GBE1: variants seen among roughly 807,000 people sequenced by gnomAD.
The protein encoded by GBE1 is 1,4-alpha-glucan branching enzyme 1.
In GBE1, 70 loss-of-function variants were observed where a neutral mutation model predicts 88.8. That is an observed-to-expected ratio of 0.79 (90% CI 0.65 to 0.96). The LOEUF is 0.96. Among genes scored for constraint, GBE1 ranks in the 40% least tolerant of loss-of-function variants. The pLI, the probability that GBE1 is intolerant of heterozygous loss-of-function variation, is 0.00. For missense variants in GBE1, 872 were observed against 871.0 expected (o/e 1.00, Z -0.01); for synonymous variants, 284 against 300.1 (o/e 0.95, Z 0.56).
chr3:81,524,749 T>G (rs1702921641), intron 14 of GBE1, among the ~76,000 whole-genome samples: 1 of 151,944 alleles, frequency 6.6e-6, no homozygotes, highest in Admixed American at 6.6e-5. Flanking sequence ...GGTTTTATAT[T>G]CTGTTCTACT....
At chr3:81,671,207 T>C (rs1705184692) in intron 2 of GBE1, among the ~76,000 whole-genome samples, 2 of 152,198 alleles carry the variant, frequency 1.3e-5, no homozygotes, top group South Asian at 4.1e-4. Context: ...TCAGTTGTGG[T>C]TTCAACTCTA....
intron 7 of GBE1, among the ~76,000 whole-genome samples, chr3:81,617,102 G>GA (rs1480060120): frequency 1.2e-5 from 1 of 83,260 alleles, no homozygotes; most frequent in East Asian, 1.3e-3. Flanking sequence ...AAATTCTGGA[G>GA]GGGTTTGTTT....
intron 7 of GBE1, among the ~76,000 whole-genome samples, chr3:81,607,536 A>G (rs1704120393): frequency 6.6e-6 from 1 of 152,192 alleles, no homozygotes; most frequent in African/African-American, 2.4e-5. Context: ...CGACAGAGCA[A>G]GATTCCATCT....
At chr3:81,734,775 G>A (rs1706237679) in intron 1 of GBE1, among the ~76,000 whole-genome samples, 1 of 152,120 alleles carries the variant, frequency 6.6e-6, no homozygotes, top group Non-Finnish European at 1.5e-5. Flanking sequence ...AAAAAAAGAT[G>A]CCGTATCAGT....
chr3:81,503,279 G>A (rs1291547701), intron 14 of GBE1, among the ~76,000 whole-genome samples: 1 of 152,112 alleles, frequency 6.6e-6, no homozygotes, highest in East Asian at 1.9e-4. Flanking sequence ...AGAGCAAAAA[G>A]CAATATGCAA....
intron 2 of GBE1, among the ~76,000 whole-genome samples, chr3:81,679,191 T>G (rs895786665): frequency 6.6e-6 from 1 of 152,208 alleles, no homozygotes; most frequent in Non-Finnish European, 1.5e-5. Context: ...GAGGTCTCTG[T>G]GCACAAATAG....
chr3:81,660,768 A>G (rs1257477693), intron 3 of GBE1, among the ~76,000 whole-genome samples: 1 of 152,178 alleles, frequency 6.6e-6, no homozygotes, highest in Non-Finnish European at 1.5e-5. Flanking sequence ...AAAGTTAAAC[A>G]TTAATTTTGA....
intron 2 of GBE1, among the ~76,000 whole-genome samples, chr3:81,697,439 A>C (rs1188062701): frequency 6.6e-6 from 1 of 151,758 alleles, no homozygotes; most frequent in Non-Finnish European, 1.5e-5. Context: ...AGCTGGGCCT[A>C]CAGGCACCTG....
chr3:81,712,306 G>A (rs1409922168), intron 1 of GBE1, among the ~76,000 whole-genome samples: 3 of 152,172 alleles, frequency 2.0e-5, no homozygotes, highest in African/African-American at 7.2e-5. Context: ...TATTGGGTAT[G>A]TACCCAAAGG....
At chr3:81,620,991 G>A (rs1559665724) in intron 7 of GBE1, among the ~76,000 whole-genome samples, 1 of 152,182 alleles carries the variant, frequency 6.6e-6, no homozygotes, top group African/African-American at 2.4e-5. Context: ...TCTGCAGGGA[G>A]ACGCTCTCAG....
intron 3 of GBE1, among the ~76,000 whole-genome samples, chr3:81,661,391 T>C (rs1219557203): frequency 6.6e-6 from 1 of 152,218 alleles, no homozygotes; most frequent in African/African-American, 2.4e-5. Flanking sequence ...GATTCATTTG[T>C]ACAAGCATTA....
intron 7 of GBE1, among the ~76,000 whole-genome samples, chr3:81,639,350 T>A (rs1550963): frequency 0.33 from 50,613 of 151,468 alleles, 10,183 homozygotes; most frequent in South Asian, 0.52. Context: ...TATTTTTTTT[T>A]AAAAAAAATG....
At chr3:81,761,049 G>A (rs1706673763) in intron 1 of GBE1, among the ~76,000 whole-genome samples, 1 of 152,244 alleles carries the variant, frequency 6.6e-6, no homozygotes, top group South Asian at 2.1e-4. Context: ...GCGGCGGTGA[G>A]TCACTCCCCA....
intron 8 of GBE1, among the ~76,000 whole-genome samples, chr3:81,591,616 C>T (rs1166490262): frequency 6.6e-6 from 1 of 152,082 alleles, no homozygotes; most frequent in East Asian, 1.9e-4. Context: ...CAAACACACA[C>T]TTCAATTTAT....
At chr3:81,608,167 G>A (rs539946411) in intron 7 of GBE1, among the ~76,000 whole-genome samples, 21 of 152,256 alleles carry the variant, frequency 1.4e-4, no homozygotes, top group South Asian at 8.3e-4. Flanking sequence ...CTGGGTCAGT[G>A]TTCAACTTTC....
At chr3:81,580,792 G>T (rs1703717182) in intron 11 of GBE1, among the ~76,000 whole-genome samples, 1 of 152,032 alleles carries the variant, frequency 6.6e-6, no homozygotes, top group Non-Finnish European at 1.5e-5. Context: ...AAGCATAAAA[G>T]AATACCTCTA....
chr3:81,500,617 C>CAT (rs1273780741), intron 14 of GBE1, among the ~76,000 whole-genome samples: 3 of 152,142 alleles, frequency 2.0e-5, no homozygotes, highest in Admixed American at 1.3e-4. Context: ...GTAAGGCAAG[C>CAT]ATATCATCAA....
At chr3:81,743,634 C>T in intron 1 of GBE1, 2 of 1,532,430 alleles carry the variant, frequency 1.3e-6, no homozygotes, top group South Asian at 1.2e-5. Flanking sequence ...GAAATTGGAA[C>T]ATCCAGAAAG....
chr3:81,688,085 C>A (rs1705464911), intron 2 of GBE1, among the ~76,000 whole-genome samples: 1 of 152,182 alleles, frequency 6.6e-6, no homozygotes, highest in African/African-American at 2.4e-5. Context: ...TCTAACAGAT[C>A]TGCAGATGCA....
Sources: gnomAD v4.1 joint callset for allele counts (sites outside exome capture counted in the v4.1 genomes callset) on GRCh38, gnomAD v4.1.1 for gene constraint, MANE v1.5 for transcripts, NCBI Gene and HGNC (gene_info 2026-07-23, HGNC 2026-07-21) for gene names.